Variants in ERCC4 observed in about 807,000 individuals in gnomAD.
ERCC4 encodes DNA repair endonuclease XPF.
A neutral mutation model predicts 76.9 loss-of-function variants in ERCC4; 65 were observed. That is an observed-to-expected ratio of 0.84 (90% CI 0.69 to 1.04). ERCC4 has a LOEUF of 1.04. Among genes scored for constraint, ERCC4 ranks in the 50% least tolerant of loss-of-function variants. The pLI is 0.00. For synonymous variants in ERCC4, 463 were observed against 410.1 expected (o/e 1.13, Z -1.56); for missense variants, 1,214 against 1,128.2 (o/e 1.08, Z -1.09).
At chr16:13,922,662 C>A in intron 2 of ERCC4, 1 of 475,792 alleles carries the variant, frequency 2.1e-6, no homozygotes, top group South Asian at 2.1e-5. Flanking sequence ...GACCGTTGTC[C>A]TTTCTTTTCT....
Position 13,935,588 on chromosome 16 carries a change from T to C in ERCC4, c.1656T>C (p.Thr552=). The change falls in exon 8 of 11, where the codon ACT becomes ACC. Residue 552 remains threonine (T), a synonymous_variant. Transcript: ENST00000311895. ...TCGGAATCCTGAAAGAACCCCTCAC[T>C]ATCATCCATCCGCTTCTGGGTTGCA... is the stretch of plus-strand genomic sequence containing the variant. ...AAFGILKEPL[T]IIHPLLGCSD... 2 of 1,614,192 alleles carry C rather than the reference T, an allele frequency of 1.2e-6. No individual in the cohort carries two copies. Among genetic ancestry groups the C allele is most frequent in the Non-Finnish European group, 1.7e-6 (2 of 1,180,026 alleles).
chr16:13,948,309 T>G lies in ERCC4; in HGVS notation c.2713T>G (p.Phe905Val). 4.3e-6 allele frequency: 7 copies of G among 1,613,654 alleles called. No homozygotes were observed. The highest frequency in any genetic ancestry group is 5.1e-6 in the Non-Finnish European group (6 of 1,180,024). The change falls in exon 11 of 11, where the codon TTT (phenylalanine) becomes GTT (valine). Residue 905 changes from phenylalanine (F) to valine (V), a missense_variant. Physicochemically the swap from Phe to Val is conservative, Grantham distance 50. Coordinates refer to ENST00000311895, the MANE Select transcript of ERCC4 (RefSeq NM_005236.3). ...KQLYDFIHTS[F>V]AEVVSKGKGK... is the part of the protein sequence containing the mutation. ...GCTTTATGATTTCATTCACACCTCT[T>G]TTGCAGAAGTCGTATCAAAAGGAAA...
At chr16:13,937,951 C>G (rs1426879653) in intron 9 of ERCC4, 93 bp downstream of exon 9, 1 of 825,988 alleles carries the variant, frequency 1.2e-6, no homozygotes, top group Non-Finnish European at 2.1e-6. Flanking sequence ...AAGGATAGGG[C>G]AAGGAAGACG....
chr16:13,920,273 C>A lies in ERCC4; in HGVS notation c.108C>A (p.Ala36=). The A allele has an allele frequency of 6.2e-7, 1 of 1,606,512 alleles. No individual in the cohort carries two copies. The highest frequency in any genetic ancestry group is 8.5e-7 in the Non-Finnish European group (1 of 1,179,882). ...ACACTGACGGGCTAGTAGTGTGCGC[C>A]CGCGGGCTCGGCGCGGACCGGCTCC... ...LLDTDGLVVC[A]RGLGADRLLY... The change falls in exon 1 of 11, where the codon GCC becomes GCA. Residue 36 remains alanine, a synonymous_variant. Transcript: ENST00000311895.
At chr16:13,930,927 G>T (rs372718731) in intron 5 of ERCC4, 37 bp downstream of exon 5, 2 of 1,425,690 alleles carry the variant, frequency 1.4e-6, no homozygotes, top group African/African-American at 1.4e-5. Flanking sequence ...TCTAAGAGCT[G>T]ATTTGAATAA....
intron 10 of ERCC4, among the ~76,000 whole-genome samples, chr16:13,946,968 G>A (rs1257701412): frequency 6.6e-6 from 1 of 152,114 alleles, no homozygotes. Context: ...CACCATGTTA[G>A]CCAGGATGGT....
chr16:13,922,734 C>T, intron 2 of ERCC4: 1 of 347,446 alleles, frequency 2.9e-6, no homozygotes, highest in South Asian at 2.5e-5. Context: ...TTGTCTGTCT[C>T]CTCTGCTGAA....
rs2032597224 is a variant in ERCC4, at chr16:13,949,820, TGATATAG to T, written c.*1474_*1480del. 1 of 232,242 alleles carries T rather than the reference TGATATAG, an allele frequency of 4.3e-6. No homozygotes were observed. The highest frequency in any genetic ancestry group is 8.5e-6 in the Non-Finnish European group (1 of 117,524). The allele number at this position is 232,242 out of a possible 1,614,324, so 14.4% of individuals were successfully genotyped here. ...GTAGTAAATTTTCTACCTCAGGAGC[TGATATAG>T]ACATCAGTTCTGCTAGCCATATCAC... is the stretch of plus-strand genomic sequence containing the variant. On this transcript the variant is annotated 3_prime_UTR_variant, in exon 11 of 11. Transcript: ENST00000311895.
intron 8 of ERCC4, among the ~76,000 whole-genome samples, chr16:13,936,064 T>C (rs183023493): frequency 1.3e-5 from 2 of 152,344 alleles, no homozygotes; most frequent in African/African-American, 4.8e-5. Flanking sequence ...TATTCTAATT[T>C]CTAACAAAAG....
At chr16:13,927,745 A>G (rs992615800) in intron 3 of ERCC4, 17 of 426,232 alleles carry the variant, frequency 4.0e-5, no homozygotes, top group Non-Finnish European at 6.1e-5. Flanking sequence ...GACTGCTTAC[A>G]TAAGTAATGG....
In ERCC4 at chr16:13,935,266, A is replaced by C. The variant is rs368559924; in HGVS notation, c.1334A>C (p.Lys445Thr). 7.4e-6 allele frequency: 12 copies of C among 1,614,148 alleles called. No individual in the cohort carries two copies. In the East Asian group the frequency reaches 1.3e-4, roughly 18 times the overall value. ...LYRKTFEKDS[K>T]AEEVWMKFRK... ...AGGAAAACCTTTGAGAAGGATAGCA[A>C]AGCTGAAGAAGTCTGGATGAAATTT... The change falls in exon 8 of 11, where the codon AAA becomes ACA. Residue 445 changes from lysine (K) to threonine (T), a missense_variant. Transcript: ENST00000311895.
Position 13,935,643 on chromosome 16 carries a change from C to T in ERCC4, c.1711C>T (p.His571Tyr), listed in dbSNP as rs587778287. The stretch of plus-strand genomic sequence containing the variant: ...CCCCTATGCTCTGACAAGGGTACTA[C>T]ATGAAGTGGAGCCAAGATACGTGGT... ...SDPYALTRVL[H>Y]EVEPRYVVLY... The change falls in exon 8 of 11, where the codon CAT becomes TAT. Residue 571 changes from histidine (H) to tyrosine (Y), a missense_variant. By Grantham distance (83) the His-to-Tyr change is moderately conservative (BLOSUM62 2). Coordinates refer to ENST00000311895, the MANE Select transcript of ERCC4 (RefSeq NM_005236.3). The T allele has an allele frequency of 2.5e-6, 4 of 1,613,978 alleles. No individual in the cohort carries two copies. The Admixed American group carries it at 5.0e-5, about 20-fold the overall frequency.
At chr16:13,943,135 T>G (rs1182415905) in intron 9 of ERCC4, among the ~76,000 whole-genome samples, 1 of 152,238 alleles carries the variant, frequency 6.6e-6, no homozygotes, top group Non-Finnish European at 1.5e-5. Context: ...AAATTTTAAA[T>G]TACAATTTCT....
intron 9 of ERCC4, among the ~76,000 whole-genome samples, chr16:13,941,089 T>G (rs1436974119): frequency 1.3e-5 from 2 of 152,172 alleles, no homozygotes; most frequent in Admixed American, 1.3e-4. Context: ...TTTATGCACC[T>G]GCTTCTACAC....
At chr16:13,944,987 C>G (rs566524137) in intron 10 of ERCC4, 152 bp downstream of exon 10, 1 of 600,778 alleles carries the variant, frequency 1.7e-6, no homozygotes, top group East Asian at 2.8e-5. Flanking sequence ...ACTCTAATCT[C>G]AGCTCTGCCA....
rs142332295 is a variant in ERCC4, at chr16:13,935,298, G to A, written c.1366G>A (p.Glu456Lys). ...AEEVWMKFRK[E>K]DSSKRIRKSH... is the part of the protein sequence containing the mutation. Reference sequence around the variant, plus strand: ...AGAAGTCTGGATGAAATTTAGGAAGGAAGACAGTTCAAAGAGAATTAGGAA... The same window carrying A: ...AGAAGTCTGGATGAAATTTAGGAAGAAAGACAGTTCAAAGAGAATTAGGAA... Residue 456 changes from glutamate (E) to lysine (K), a missense_variant, in exon 8 of 11, where the codon GAA becomes AAA. Coordinates refer to ENST00000311895, the MANE Select transcript of ERCC4 (RefSeq NM_005236.3). The A allele has an allele frequency of 9.3e-6, 15 of 1,614,014 alleles. No individual in the cohort carries two copies. The highest frequency in any genetic ancestry group is 3.3e-4 in the Middle Eastern group (2 of 6,062).
At chr16:13,923,077 A>T (rs892061025) in intron 2 of ERCC4, among the ~76,000 whole-genome samples, 10 of 152,146 alleles carry the variant, frequency 6.6e-5, no homozygotes, top group African/African-American at 2.4e-4. Flanking sequence ...TATTTTGAGG[A>T]AAAATTATTT....
intron 2 of ERCC4, among the ~76,000 whole-genome samples, chr16:13,924,753 T>G (rs1310555474): frequency 6.6e-6 from 1 of 152,208 alleles, no homozygotes; most frequent in African/African-American, 2.4e-5. Context: ...GTAAAATACT[T>G]GGTAGCATGG....
At chr16:13,947,506 A>G in intron 10 of ERCC4, 108 bp from the exon 11 acceptor site, 1 of 1,106,376 alleles carries the variant, frequency 9.0e-7, no homozygotes, top group Non-Finnish European at 1.4e-6. Context: ...ATATAGAATT[A>G]TGTAACCATC....
Sources: gnomAD v4.1 joint callset for allele counts (sites outside exome capture counted in the v4.1 genomes callset) on GRCh38, gnomAD v4.1.1 for gene constraint, MANE v1.5 for transcripts, NCBI Gene and HGNC (gene_info 2026-07-23, HGNC 2026-07-21) for gene names.